The following TBC1D14 variants were observed in gnomAD, a reference collection of about 807,000 sequenced individuals.
TBC1D14 encodes TBC1 domain family member 14.
Under a neutral mutation model 79.0 loss-of-function variants are expected in TBC1D14, and 26 were observed. The ratio of observed to expected loss-of-function variants is 0.33; its 90% confidence interval spans 0.24 to 0.46. The LOEUF is 0.46. Among genes scored for constraint, TBC1D14 ranks in the 20% least tolerant of loss-of-function variants. The probability of loss-of-function intolerance (pLI) is 1.00; values close to 1 mark genes in which losing one functional copy is unlikely to be tolerated. For synonymous variants in TBC1D14, 394 were observed against 349.9 expected (o/e 1.13, Z -1.40); for missense variants, 769 against 887.6 (o/e 0.87, Z 1.70).
chr4:6,911,569 C>T (rs567986100), intron 1 of TBC1D14, among the ~76,000 whole-genome samples: 1 of 152,372 alleles, frequency 6.6e-6, no homozygotes, highest in South Asian at 2.1e-4. Flanking sequence ...TTCTGCTGTT[C>T]CCCTGTGTTC....
intron 5 of TBC1D14, among the ~76,000 whole-genome samples, chr4:6,998,211 T>C (rs1384282245): frequency 6.6e-6 from 1 of 151,922 alleles, no homozygotes; most frequent in African/African-American, 2.4e-5. Context: ...AATACAAAAA[T>C]TAGCTGGGCC....
At position 6,996,394 on chromosome 4, in the gene TBC1D14, G is replaced by A; in HGVS notation, c.1032G>A (p.Gln344=). ...HRQQYEEMVV[Q]AKKRELKEAQ... ...AGCAGTATGAAGAAATGGTGGTTCA[G>A]GCCAAAAAGCGAGGTAATGGGGTTC... is the stretch of plus-strand genomic sequence containing the variant. Residue 344 remains glutamine, a synonymous_variant, in exon 5 of 14, where the codon CAG becomes CAA. Transcript: ENST00000409757. 1 of 1,613,546 alleles carries A rather than the reference G, an allele frequency of 6.2e-7. No individual in the cohort carries two copies. The highest frequency in any genetic ancestry group is 2.2e-5 in the East Asian group (1 of 44,858).
At chr4:6,931,017 C>T (rs1292821604) in intron 2 of TBC1D14, among the ~76,000 whole-genome samples, 2 of 152,130 alleles carry the variant, frequency 1.3e-5, no homozygotes, top group South Asian at 2.1e-4. Context: ...TCTCCTGCCT[C>T]AGCCTCCTGA....
At chr4:6,994,968 A>G (rs1027293827) in intron 4 of TBC1D14, among the ~76,000 whole-genome samples, 1 of 152,102 alleles carries the variant, frequency 6.6e-6, no homozygotes, top group Non-Finnish European at 1.5e-5. Context: ...AGAGGCCATC[A>G]GGAAAAGACT....
At chr4:7,019,312 G>A (rs550942236) in intron 12 of TBC1D14, among the ~76,000 whole-genome samples, 7 of 152,206 alleles carry the variant, frequency 4.6e-5, no homozygotes, top group South Asian at 2.1e-4. Flanking sequence ...GAGCAACCGC[G>A]CCCAGCTCGA....
chr4:6,922,220 AT>A (rs1271371036), intron 1 of TBC1D14, among the ~76,000 whole-genome samples: 1 of 151,722 alleles, frequency 6.6e-6, no homozygotes, highest in African/African-American at 2.4e-5. Flanking sequence ...CCCCCAGTTG[AT>A]TTTTTTTAGT....
chr4:6,967,480 C>T, intron 3 of TBC1D14, 56 bp downstream of exon 3: 1 of 1,573,740 alleles, frequency 6.4e-7, no homozygotes, highest in Admixed American at 1.9e-5. Flanking sequence ...AGCATATATT[C>T]ATGAACCTTG....
At chr4:6,959,087 G>A (rs1181597131) in intron 2 of TBC1D14, among the ~76,000 whole-genome samples, 4 of 151,894 alleles carry the variant, frequency 2.6e-5, no homozygotes, top group Non-Finnish European at 4.4e-5. Flanking sequence ...GGGTTTCACC[G>A]TTTTAGCCGG....
chr4:6,986,880 A>G (rs1717879383), intron 3 of TBC1D14, among the ~76,000 whole-genome samples: 1 of 152,226 alleles, frequency 6.6e-6, no homozygotes. Context: ...GAAAAACAGG[A>G]GCCACGGTAG....
intron 2 of TBC1D14, among the ~76,000 whole-genome samples, chr4:6,936,981 G>A (rs950345877): frequency 5.3e-5 from 8 of 152,118 alleles, no homozygotes; most frequent in East Asian, 1.9e-4. Context: ...GCAATGGCAC[G>A]ATCTCGGCTC....
intron 2 of TBC1D14, among the ~76,000 whole-genome samples, chr4:6,938,733 G>A (rs978267161): frequency 6.6e-6 from 1 of 152,238 alleles, no homozygotes; most frequent in Non-Finnish European, 1.5e-5. Context: ...CGGGCCTTCT[G>A]TGTGCCTCGT....
chr4:6,961,344 C>T (rs1455914930), intron 2 of TBC1D14, among the ~76,000 whole-genome samples: 2 of 152,188 alleles, frequency 1.3e-5, no homozygotes, highest in African/African-American at 2.4e-5. Context: ...CAGCACCTTT[C>T]AGGGCACCCT....
intron 2 of TBC1D14, among the ~76,000 whole-genome samples, chr4:6,956,381 C>A (rs1257584929): frequency 6.6e-6 from 1 of 152,158 alleles, no homozygotes; most frequent in African/African-American, 2.4e-5. Context: ...AGCTGGAAAC[C>A]CAGGTTTTTC....
chr4:6,911,608 G>A (rs1318061829), intron 1 of TBC1D14, among the ~76,000 whole-genome samples: 1 of 152,182 alleles, frequency 6.6e-6, no homozygotes, highest in Non-Finnish European at 1.5e-5. Flanking sequence ...CTCTGCATTG[G>A]GTCCGCTGTC....
intron 12 of TBC1D14, among the ~76,000 whole-genome samples, chr4:7,022,891 C>G (rs1721970307): frequency 6.6e-6 from 1 of 151,934 alleles, no homozygotes; most frequent in African/African-American, 2.4e-5. Flanking sequence ...GTAGAAATCT[C>G]TTTTGTTCTC....
chr4:6,957,646 GTTT>G (rs1714766999), intron 2 of TBC1D14, among the ~76,000 whole-genome samples: 1 of 152,176 alleles, frequency 6.6e-6, no homozygotes, highest in African/African-American at 2.4e-5. Context: ...TGTCTTTTAG[GTTT>G]TATCTTAGAA....
intron 2 of TBC1D14, among the ~76,000 whole-genome samples, chr4:6,950,062 G>A (rs1215109103): frequency 2.0e-5 from 3 of 151,910 alleles, no homozygotes; most frequent in Admixed American, 6.6e-5. Flanking sequence ...CCCTCTCCCC[G>A]TGCTCCCCAC....
chr4:6,970,106 T>C (rs1716092914), intron 3 of TBC1D14, among the ~76,000 whole-genome samples: 1 of 152,190 alleles, frequency 6.6e-6, no homozygotes, highest in Non-Finnish European at 1.5e-5. Flanking sequence ...CCTAGACTTG[T>C]GATCAGGATG....
intron 2 of TBC1D14, among the ~76,000 whole-genome samples, chr4:6,953,222 A>G (rs1379972124): frequency 6.8e-6 from 1 of 147,092 alleles, no homozygotes; most frequent in African/African-American, 2.5e-5. Context: ...ACGGGGTTTC[A>G]CCATCTTGGC....
Sources: allele counts gnomAD v4.1 joint callset (sites outside exome capture counted in the v4.1 genomes callset), GRCh38; gene constraint gnomAD v4.1.1; transcripts MANE v1.5; gene names NCBI Gene and HGNC (gene_info 2026-07-23, HGNC 2026-07-21).